FES: variants seen among roughly 807,000 people sequenced by gnomAD.
FES encodes the protein FES proto-oncogene, tyrosine kinase, also known as tyrosine-protein kinase Fes/Fps.
Under a neutral mutation model 109.6 loss-of-function variants are expected in FES, and 83 were observed. The ratio of observed to expected loss-of-function variants is 0.76; its 90% CI spans 0.63 to 0.91. FES has a LOEUF of 0.91. Ranked by LOEUF, FES falls within the 40% of genes least tolerant of loss-of-function variation. FES has a pLI of 0.00. For synonymous variants in FES, 458 were observed against 442.1 expected, an observed-to-expected ratio of 1.04 and a Z score of -0.45; for missense variants, 943 against 1,070.9, an observed-to-expected ratio of 0.88 and a Z score of 1.67.
At chr15:90,884,732 T>C in intron 1 of FES, 188 bp downstream of exon 1, 1 of 257,496 alleles carries the variant, frequency 3.9e-6, no homozygotes, top group Non-Finnish European at 7.5e-6. Flanking sequence ...AGGCTTGGCC[T>C]GTCGAGGACC....
At chr15:90,891,408 T>G in intron 11 of FES, 146 bp from the exon 12 acceptor site, 1 of 1,172,450 alleles carries the variant, frequency 8.5e-7, no homozygotes, top group Non-Finnish European at 1.2e-6. Flanking sequence ...GGATGTCATG[T>G]GCCATCAGAT....
Position 90,890,690 on chromosome 15 carries a change from G to A in FES, c.1320+206G>A, listed in dbSNP as rs143621141. Among the ~76,000 whole-genome samples the A allele has an allele frequency of 5.2e-4, 77 of 149,170 alleles. 1 individual carries two copies. The East Asian group carries it at 0.011, about 22-fold the overall frequency. ...GTGTGCTAAAGGGACCAGCAACCTCGACTATTCCATGGCTCTCCCTGCTTC... is the reference window on the plus strand; with the variant it reads ...GTGTGCTAAAGGGACCAGCAACCTCAACTATTCCATGGCTCTCCCTGCTTC... On this transcript the variant is annotated intron_variant, in intron 10 of 18. Coordinates refer to ENST00000328850, the MANE Select transcript of FES (RefSeq NM_002005.4).
rs57494005 is a variant in FES at position 90,894,036 on chromosome 15, G to A, written c.2304G>A (p.Gln768=). ...CCTATCCCAACCTCAGCAATCAGCA[G>A]ACACGGGAGTTTGTGGAGAAGGGTA... ...ASPYPNLSNQ[Q]TREFVEKGGR... Residue 768 remains glutamine, a synonymous_variant, in exon 18 of 19, where the codon CAG becomes CAA. Transcript: ENST00000328850. 1,047 of 1,613,878 alleles carry A rather than the reference G, an allele frequency of 6.5e-4. 2 individuals are homozygous for A. The African/African-American group carries it at 0.012, about 18-fold the overall frequency.
chr15:90,885,793 C>T (rs1285725323), intron 3 of FES, among the ~76,000 whole-genome samples: 1 of 152,204 alleles, frequency 6.6e-6, no homozygotes, highest in Admixed American at 6.5e-5. Context: ...TTTTTCTGTG[C>T]CTGGGCAAAG....
At chr15:90,892,563 C>T (rs1051647802) in intron 13 of FES, 144 bp from the exon 14 acceptor site, 43 of 680,474 alleles carry the variant, frequency 6.3e-5, no homozygotes, top group Non-Finnish European at 9.6e-5. Flanking sequence ...GGTTCCCCAG[C>T]GAGGGTCAAA....
intron 14 of FES, 38 bp from the exon 15 acceptor site, chr15:90,893,062 G>T (rs376121428): frequency 8.8e-6 from 14 of 1,598,430 alleles, no homozygotes; most frequent in Non-Finnish European, 1.1e-5. Flanking sequence ...GGGGAGGCGG[G>T]CCTGGCCACG....
chr15:90,892,100 C>G lies in FES; in HGVS notation c.1696C>G (p.Gln566Glu). 1 of 1,614,088 alleles carries G rather than the reference C, an allele frequency of 6.2e-7. No homozygotes were observed. Among genetic ancestry groups the G allele is most frequent in the Non-Finnish European group, 8.5e-7 (1 of 1,179,986 alleles). ...LNHEDLVLGE[Q>E]IGRGNFGEVF... ...CCATGAGGACCTGGTGTTGGGTGAG[C>G]AGATTGGACGGGTGAGTGCGCCTCT... Residue 566 changes from glutamine to glutamate, a missense_variant, in exon 13 of 19, where the codon CAG becomes GAG. Physicochemically the swap from Gln to Glu is conservative, Grantham distance 29. Coordinates refer to ENST00000328850, the MANE Select transcript of FES (RefSeq NM_002005.4).
rs2033044704 is a variant in FES at position 90,889,982 on chromosome 15, C to T, written c.1049+20C>T. On this transcript the variant is annotated intron_variant, in intron 8 of 18. Transcript: ENST00000328850. This position sits in a 1 kb window ranked among gnomAD's most constrained non-coding sequence, Gnocchi z 6.1. ...GGAGCGGTGAGTGGGCCCCTGCCTG[C>T]AGCAGCCTCCTGGGCCTCCCTCCCT... 1 of 1,611,764 alleles carries T rather than the reference C, an allele frequency of 6.2e-7. No homozygotes were observed. The highest frequency in any genetic ancestry group is 1.1e-5 in the South Asian group (1 of 91,038).
In FES at chr15:90,895,708, CTG is replaced by C; in HGVS notation, c.*154_*155del. 1 of 592,116 alleles carries C rather than the reference CTG, an allele frequency of 1.7e-6. No individual in the cohort carries two copies. Among genetic ancestry groups the C allele is most frequent in the Non-Finnish European group, 2.7e-6 (1 of 376,220 alleles). The allele number at this position is 592,116 out of a possible 1,614,324, so 36.7% of individuals were successfully genotyped here. ...GGCAGGATGCAGCGCCGTGTCCTCTCTGTGTCCCTGCTGCTGCCAGGGCTTCC... is the reference window on the plus strand; with the variant it reads ...GGCAGGATGCAGCGCCGTGTCCTCTCTGTCCCTGCTGCTGCCAGGGCTTCC... On this transcript the variant is annotated 3_prime_UTR_variant, in exon 19 of 19. Transcript: ENST00000328850.
Position 90,894,016 on chromosome 15 carries a change from C to T in FES, c.2284C>T (p.Pro762Ser). 1 of 1,613,918 alleles carries T rather than the reference C, an allele frequency of 6.2e-7. No homozygotes were observed. The highest frequency in any genetic ancestry group is 8.5e-7 in the Non-Finnish European group (1 of 1,179,994). ...ETFSLGASPY[P>S]NLSNQQTREF... ...CTTCAGCCTGGGGGCCTCCCCCTAT[C>T]CCAACCTCAGCAATCAGCAGACACG... Residue 762 changes from proline to serine, a missense_variant, in exon 18 of 19, where the codon CCC becomes TCC. Physicochemically the swap from Pro to Ser is moderately conservative, Grantham distance 74. Transcript: ENST00000328850.
intron 18 of FES, among the ~76,000 whole-genome samples, chr15:90,894,325 C>T (rs2033514189): frequency 6.6e-6 from 1 of 152,192 alleles, no homozygotes; most frequent in Admixed American, 6.5e-5. Flanking sequence ...TGGCTCACAC[C>T]TGTAATCCCA....
Position 90,889,830 on chromosome 15 carries a change from T to C in FES, c.927-10T>C, listed in dbSNP as rs765183090. ...GCTCGGTTCTAATGCTGCCCTTCTC[T>C]TGGGTGCAGGCTGACCTCAGTGACA... On this transcript the variant is annotated splice_polypyrimidine_tract_variant and intron_variant, in intron 7 of 18. Coordinates refer to ENST00000328850, the MANE Select transcript of FES (RefSeq NM_002005.4). This position sits in a 1 kb window ranked among gnomAD's most constrained non-coding sequence, Gnocchi z 6.1. 2 of 1,613,520 alleles carry C rather than the reference T, an allele frequency of 1.2e-6. No homozygotes were observed. The highest frequency in any genetic ancestry group is 2.2e-5 in the South Asian group (2 of 91,050).
chr15:90,891,211 G>T lies in FES; in HGVS notation c.1530+20G>T, dbSNP rs113748785. 4.5e-6 allele frequency: 7 copies of T among 1,547,766 alleles called. No individual in the cohort carries two copies. The highest frequency in any genetic ancestry group is 2.7e-5 in the African/African-American group (2 of 73,176). On this transcript the variant is annotated intron_variant, in intron 11 of 18. Coordinates refer to ENST00000328850, the MANE Select transcript of FES (RefSeq NM_002005.4). The stretch of plus-strand genomic sequence containing the variant: ...TTGGATGTGAGTGGGGCTGGGACCC[G>T]AGCCTTCCAGGCCTCACTCTTCCCC...
In FES at chr15:90,895,523, C is replaced by G; in HGVS notation, c.2434C>G (p.Gln812Glu). ...GCGGCCCAGCTTCAGCACCATCTAC[C>G]AGGAGCTGCAGAGCATCCGAAAGCG... The part of the protein sequence containing the change: ...GQRPSFSTIY[Q>E]ELQSIRKRHR The change falls in exon 19 of 19, where the codon CAG (glutamine) becomes GAG (glutamate). Residue 812 changes from glutamine to glutamate, a missense_variant. Transcript: ENST00000328850. 1 of 1,596,398 alleles carries G rather than the reference C, an allele frequency of 6.3e-7. No individual in the cohort carries two copies. The highest frequency in any genetic ancestry group is 8.5e-7 in the Non-Finnish European group (1 of 1,170,314).
intron 13 of FES, 197 bp downstream of exon 13, chr15:90,892,308 C>A: frequency 1.6e-6 from 1 of 642,060 alleles, no homozygotes; most frequent in Non-Finnish European, 2.7e-6. Flanking sequence ...CAGCAGACAG[C>A]TCTGCCAGCA....
intron 13 of FES, 197 bp from the exon 14 acceptor site, chr15:90,892,510 C>T: frequency 1.7e-6 from 1 of 586,356 alleles, no homozygotes; most frequent in Non-Finnish European, 3.0e-6. Context: ...GGAAGGGTGG[C>T]ACATCGGAGG....
intron 13 of FES, 199 bp from the exon 14 acceptor site, chr15:90,892,508 G>A: frequency 1.7e-6 from 1 of 586,724 alleles, no homozygotes; most frequent in Admixed American, 3.0e-5. Context: ...CAGGAAGGGT[G>A]GCACATCGGA....
intron 1 of FES, 143 bp from the exon 2 acceptor site, chr15:90,884,894 A>C: frequency 1.4e-6 from 1 of 697,230 alleles, no homozygotes; most frequent in African/African-American, 1.8e-5. Flanking sequence ...CTGGGTACCC[A>C]TGGCTGCGTG....
intron 17 of FES, 23 bp downstream of exon 17, chr15:90,893,834 G>A (rs2033464752): frequency 6.3e-7 from 1 of 1,595,976 alleles, no homozygotes; most frequent in Non-Finnish European, 8.5e-7. Flanking sequence ...TGTCTACCCT[G>A]GACTCCATGG....
Sources: allele counts gnomAD v4.1 joint callset (sites outside exome capture counted in the v4.1 genomes callset), GRCh38; gene constraint gnomAD v4.1.1; non-coding constraint Gnocchi (gnomAD v3.1); transcripts MANE v1.5; gene names NCBI Gene and HGNC (gene_info 2026-07-23, HGNC 2026-07-21).